The following LEPR variants were observed in gnomAD, a reference collection of about 807,000 sequenced individuals.
The protein encoded by LEPR is leptin receptor, also known as OB receptor.
LEPR carries 56 observed loss-of-function variants against 114.7 expected under a neutral mutation model. The ratio of observed to expected loss-of-function variants is 0.49; its 90% CI spans 0.39 to 0.61. LEPR has a LOEUF of 0.61. LEPR is among the 20% of genes least tolerant of loss of function. LEPR has a pLI of 0.00. For synonymous variants in LEPR, 443 were observed against 461.4 expected (o/e 0.96, Z 0.51); for missense variants, 1,202 against 1,352.9 (o/e 0.89, Z 1.75).
chr1:65,485,509 A>G (rs1647440897), intron 2 of LEPR, among the ~76,000 whole-genome samples: 1 of 152,154 alleles, frequency 6.6e-6, no homozygotes, highest in Non-Finnish European at 1.5e-5. Context: ...TTCTGTTGCC[A>G]TAGAGAGCAT....
At chr1:65,437,962 C>T (rs560988965) in intron 2 of LEPR, among the ~76,000 whole-genome samples, 132 of 151,894 alleles carry the variant, frequency 8.7e-4, no homozygotes, top group Non-Finnish European at 1.6e-3. Context: ...CACGGGCCAC[C>T]GCAGCTGGCT....
intron 2 of LEPR, among the ~76,000 whole-genome samples, chr1:65,459,837 C>T (rs1404002022): frequency 6.6e-6 from 1 of 152,180 alleles, no homozygotes; most frequent in Non-Finnish European, 1.5e-5. Flanking sequence ...CTGTTATTTG[C>T]ACACTCCAAG....
At position 65,570,548 on chromosome 1, in the gene LEPR, C is replaced by T. The variant is rs1654083227; in HGVS notation, c.116C>T (p.Pro39Leu). Residue 39 changes from proline to leucine, a missense_variant, in exon 4 of 20, where the codon CCA becomes CTA. By Grantham distance (98) the Pro-to-Leu change is moderately conservative. Coordinates refer to ENST00000349533, the MANE Select transcript of LEPR (RefSeq NM_002303.6). ...TPWRFKLSCM[P>L]PNSTYDYFLL... ...TGGAGATTTAAGTTGTCTTGCATGC[C>T]ACCAAATTCAACCTATGACTACTTC... 6.2e-7 allele frequency: 1 copy of T among 1,613,934 alleles called. No homozygotes were observed. Among genetic ancestry groups the T allele is most frequent in the Non-Finnish European group, 8.5e-7 (1 of 1,179,934 alleles).
chr1:65,462,570 G>A (rs1483077346), intron 2 of LEPR, among the ~76,000 whole-genome samples: 13 of 152,130 alleles, frequency 8.5e-5, no homozygotes, highest in African/African-American at 2.2e-4. Flanking sequence ...TTGAGGAATC[G>A]CCACACTGTC....
chr1:65,482,297 C>T (rs1176310766), intron 2 of LEPR, among the ~76,000 whole-genome samples: 1 of 152,066 alleles, frequency 6.6e-6, no homozygotes. Flanking sequence ...TCAAATGGAA[C>T]AATATATTCA....
At chr1:65,516,494 GC>G (rs1649295385) in intron 2 of LEPR, among the ~76,000 whole-genome samples, 1 of 152,106 alleles carries the variant, frequency 6.6e-6, no homozygotes, top group African/African-American at 2.4e-5. Context: ...ACTTTCCATT[GC>G]TAAATGTGTT....
intron 2 of LEPR, among the ~76,000 whole-genome samples, chr1:65,527,444 CTTTT>C (rs1227387987): frequency 6.6e-6 from 1 of 152,160 alleles, no homozygotes; most frequent in Non-Finnish European, 1.5e-5. Flanking sequence ...TTCATACTTT[CTTTT>C]TGATTAGAAG....
rs539856661 is a variant in LEPR, at chr1:65,622,182, T to A, written c.2597+724T>A. On this transcript the variant is annotated intron_variant, in intron 18 of 19. Transcript: ENST00000349533. Reference sequence around the variant, plus strand: ...TACATACATTCAGGAAACAACAAGCTTATAACAGGAAATCCTAAGCAGTAT... The same window carrying A: ...TACATACATTCAGGAAACAACAAGCATATAACAGGAAATCCTAAGCAGTAT... Among the ~76,000 whole-genome samples the A allele has an allele frequency of 5.0e-4, 76 of 152,296 alleles. 2 individuals carry two copies. The South Asian group carries it at 0.015, about 30-fold the overall frequency.
intron 2 of LEPR, among the ~76,000 whole-genome samples, chr1:65,452,999 T>G (rs1232280334): frequency 1.3e-5 from 2 of 152,232 alleles, no homozygotes; most frequent in Non-Finnish European, 2.9e-5. Flanking sequence ...CTTCCTGGTT[T>G]AGTCTTGGGA....
chr1:65,511,475 T>C (rs1649035726), intron 2 of LEPR, among the ~76,000 whole-genome samples: 1 of 151,536 alleles, frequency 6.6e-6, no homozygotes, highest in Non-Finnish European at 1.5e-5. Context: ...CACACACGTG[T>C]ATTTTTCCCA....
At chr1:65,452,168 G>A (rs918835297) in intron 2 of LEPR, among the ~76,000 whole-genome samples, 1 of 152,170 alleles carries the variant, frequency 6.6e-6, no homozygotes, top group Non-Finnish European at 1.5e-5. Flanking sequence ...TCAATTTAAG[G>A]AGATTTTGGG....
chr1:65,444,406 A>AATGC (rs1646687756), intron 2 of LEPR, among the ~76,000 whole-genome samples: 1 of 152,024 alleles, frequency 6.6e-6, no homozygotes, highest in African/African-American at 2.4e-5. Context: ...TGTAGCTTAA[A>AATGC]ATGCTATTGA....
intron 2 of LEPR, among the ~76,000 whole-genome samples, chr1:65,425,670 A>G (rs1646348172): frequency 6.6e-6 from 1 of 152,220 alleles, no homozygotes; most frequent in Non-Finnish European, 1.5e-5. Flanking sequence ...TCTAGTTGTG[A>G]GTGAGAGACA....
chr1:65,447,414 T>A (rs1646726962), intron 2 of LEPR, among the ~76,000 whole-genome samples: 1 of 152,146 alleles, frequency 6.6e-6, no homozygotes, highest in African/African-American at 2.4e-5. Flanking sequence ...TCTATTTGAT[T>A]TCTTTCATTA....
chr1:65,626,814 T>C (rs1305018440), intron 19 of LEPR, among the ~76,000 whole-genome samples: 1 of 152,046 alleles, frequency 6.6e-6, no homozygotes, highest in African/African-American at 2.4e-5. Flanking sequence ...CGGCTAATTT[T>C]TGTAGATATG....
intron 2 of LEPR, chr1:65,428,122 A>G (rs1646415605): frequency 6.6e-6 from 1 of 152,238 alleles, no homozygotes; most frequent in African/African-American, 2.4e-5. Flanking sequence ...GATCCTCGTT[A>G]TTTACTCTTT....
chr1:65,636,786 G>C lies in LEPR; in HGVS notation c.3269G>C (p.Ser1090Thr). The C allele has an allele frequency of 6.2e-7, 1 of 1,614,068 alleles. No individual in the cohort carries two copies. The highest frequency in any genetic ancestry group is 8.5e-7 in the Non-Finnish European group (1 of 1,180,002). ...GTCACCTCAATCAAAAAGAGAGAGA[G>C]TGGTGTGCTTTTGACTGACAAGTCA... The part of the protein sequence containing the change: ...LGVTSIKKRE[S>T]GVLLTDKSRV... The change falls in exon 20 of 20, where the codon AGT becomes ACT. Residue 1090 changes from serine (S) to threonine (T), a missense_variant. Ser to Thr is a moderately conservative substitution (Grantham distance 58). Coordinates refer to ENST00000349533, the MANE Select transcript of LEPR (RefSeq NM_002303.6).
intron 2 of LEPR, among the ~76,000 whole-genome samples, chr1:65,560,479 G>C (rs1271628137): frequency 8.9e-4 from 56 of 62,590 alleles, no homozygotes; most frequent in African/African-American, 3.6e-3. Flanking sequence ...TCTAGATATA[G>C]AATCATGTCA....
chr1:65,601,275 C>T (rs1656422425), intron 8 of LEPR, 117 bp from the exon 9 acceptor site: 1 of 1,247,198 alleles, frequency 8.0e-7, no homozygotes, highest in Admixed American at 2.0e-5. Context: ...TTAAATTACA[C>T]TCATTTTATT....
Sources: allele counts gnomAD v4.1 joint callset (sites outside exome capture counted in the v4.1 genomes callset), GRCh38; gene constraint gnomAD v4.1.1; transcripts MANE v1.5; gene names NCBI Gene and HGNC (gene_info 2026-07-23, HGNC 2026-07-21).